Variants in BANP observed in about 807,000 individuals in gnomAD.
BANP encodes BTG3 associated nuclear protein, also known as protein BANP.
Under a neutral mutation model 68.1 loss-of-function variants are expected in BANP, and 11 were observed. That is an observed-to-expected ratio of 0.16 (90% CI 0.10 to 0.27). The LOEUF (loss-of-function observed/expected upper bound fraction) is 0.27, where lower values mean the gene tolerates loss of function less well. Ranked by LOEUF, BANP falls within the 10% of genes least tolerant of loss-of-function variation. The probability of loss-of-function intolerance (pLI) is 1.00; values close to 1 mark genes in which losing one functional copy is unlikely to be tolerated. For missense variants in BANP, 504 were observed against 722.7 expected, an observed-to-expected ratio of 0.70 and a Z score of 3.47; for synonymous variants, 329 against 303.2, an observed-to-expected ratio of 1.09 and a Z score of -0.88.
At chr16:88,074,796 T>A (rs1030893304) in intron 13 of BANP, among the ~76,000 whole-genome samples, 1 of 152,166 alleles carries the variant, frequency 6.6e-6, no homozygotes, top group African/African-American at 2.4e-5. Flanking sequence ...CCTTCCCAGC[T>A]GTGGCCGGGC....
intron 7 of BANP, among the ~76,000 whole-genome samples, chr16:88,026,211 C>T (rs1021144840): frequency 3.3e-5 from 5 of 152,224 alleles, no homozygotes; most frequent in African/African-American, 1.2e-4. Flanking sequence ...CCCAGGAAGA[C>T]GATGCACCTG....
chr16:88,056,079 T>C (rs1275029543), intron 11 of BANP, among the ~76,000 whole-genome samples: 1 of 152,182 alleles, frequency 6.6e-6, no homozygotes, highest in Admixed American at 6.5e-5. Flanking sequence ...CCTTGCCCTG[T>C]CTGGGGAGGT....
intron 11 of BANP, among the ~76,000 whole-genome samples, chr16:88,056,997 G>T (rs1253052653): frequency 1.3e-5 from 2 of 152,200 alleles, no homozygotes. Context: ...TTAAAACTCT[G>T]TAACTCAAAA....
chr16:88,070,343 C>T (rs2089991107), intron 12 of BANP, among the ~76,000 whole-genome samples: 1 of 152,106 alleles, frequency 6.6e-6, no homozygotes, highest in Non-Finnish European at 1.5e-5. Flanking sequence ...CATCTGACAC[C>T]TGGACTCAGA....
chr16:88,068,189 C>T (rs1040744110), intron 12 of BANP, among the ~76,000 whole-genome samples: 5 of 152,138 alleles, frequency 3.3e-5, no homozygotes, highest in African/African-American at 9.7e-5. Flanking sequence ...CTGTGTGGCA[C>T]GGGCTCCTGA....
At chr16:87,979,217 A>G (rs2062800262) in intron 2 of BANP, among the ~76,000 whole-genome samples, 1 of 152,138 alleles carries the variant, frequency 6.6e-6, no homozygotes, top group Admixed American at 6.5e-5. Flanking sequence ...AATGTATGTA[A>G]CACGTCTGAG....
At chr16:87,971,824 G>T (rs1416514893) in intron 1 of BANP, among the ~76,000 whole-genome samples, 1 of 152,092 alleles carries the variant, frequency 6.6e-6, no homozygotes, top group Non-Finnish European at 1.5e-5. Flanking sequence ...ACAGGGTCTC[G>T]TTCTGTTGTC....
At chr16:88,075,068 G>A (rs959482215) in intron 13 of BANP, among the ~76,000 whole-genome samples, 1 of 152,144 alleles carries the variant, frequency 6.6e-6, no homozygotes, top group Admixed American at 6.5e-5. Flanking sequence ...AGCTGGGGCC[G>A]GGCACGGTAG....
chr16:88,004,304 C>T lies in BANP; in HGVS notation c.372C>T (p.Pro124=). 1 of 1,543,540 alleles carries T rather than the reference C, an allele frequency of 6.5e-7. No homozygotes were observed. The highest frequency in any genetic ancestry group is 8.8e-7 in the Non-Finnish European group (1 of 1,140,264). Residue 124 remains proline (P), a synonymous_variant, in exon 5 of 14, where the codon CCC becomes CCT. Coordinates refer to ENST00000682872, the MANE Select transcript of BANP (RefSeq NM_001386991.1). This position sits in a 1 kb window ranked among gnomAD's most constrained non-coding sequence, Gnocchi z 7.0. ...TTCTTTTGTTCCCTAGCGTCGTCCC[C>T]CAGACTACAGTAATACTCAACAATG... ...QTCNKVRCVV[P]QTTVILNNDR...
intron 2 of BANP, 169 bp downstream of exon 2, chr16:87,975,354 G>A (rs771999956): frequency 3.1e-5 from 21 of 684,630 alleles, no homozygotes; most frequent in South Asian, 1.2e-4. Flanking sequence ...CCCTTCCCTC[G>A]CCCCTGCAGC....
At chr16:87,972,576 T>C (rs2061328042) in intron 1 of BANP, among the ~76,000 whole-genome samples, 1 of 152,216 alleles carries the variant, frequency 6.6e-6, no homozygotes, top group African/African-American at 2.4e-5. Context: ...TGCTCATTTT[T>C]ATATGATTTT....
chr16:87,994,649 C>A (rs2066723791), intron 4 of BANP, among the ~76,000 whole-genome samples: 1 of 152,072 alleles, frequency 6.6e-6, no homozygotes, highest in African/African-American at 2.4e-5. Context: ...ACTTTTTAAT[C>A]TTTAGCGTGG....
intron 13 of BANP, among the ~76,000 whole-genome samples, chr16:88,073,595 T>G (rs2090928456): frequency 6.6e-6 from 1 of 152,186 alleles, no homozygotes; most frequent in Non-Finnish European, 1.5e-5. Flanking sequence ...TCGGCAGCGC[T>G]TATTTTATGT....
chr16:88,076,559 C>T lies in BANP; in HGVS notation c.1522-31C>T. 1.9e-6 allele frequency: 3 copies of T among 1,601,972 alleles called. No individual in the cohort carries two copies. In the South Asian group the frequency reaches 3.3e-5, roughly 18 times the overall value. On this transcript the variant is annotated intron_variant, in intron 13 of 13. Transcript: ENST00000682872. The stretch of plus-strand genomic sequence containing the variant: ...TGGCCATGCAGTGCTGGGTATTTTT[C>T]TAGAAAGTCCCTCCTTTCTCCCTTT...
intron 8 of BANP, among the ~76,000 whole-genome samples, chr16:88,030,263 G>C (rs1453275440): frequency 6.6e-6 from 1 of 152,168 alleles, no homozygotes; most frequent in Non-Finnish European, 1.5e-5. Flanking sequence ...CAAATAGGAA[G>C]GGACCCTGTC....
At chr16:88,000,535 T>TC in intron 4 of BANP, among the ~76,000 whole-genome samples, 1 of 16,060 alleles carries the variant, frequency 6.2e-5, no homozygotes, top group African/African-American at 1.7e-4. Context: ...TACCTGTCCT[T>TC]CCAGACGTGT....
intron 6 of BANP, among the ~76,000 whole-genome samples, chr16:88,016,827 A>G (rs6540148): frequency 0.94 from 142,460 of 152,258 alleles, 67,397 homozygotes; most frequent in East Asian, 1. Context: ...CTGTACTTCT[A>G]AACCACCTCT....
chr16:88,006,053 T>G (rs752305818), intron 5 of BANP, 37 bp from the exon 6 acceptor site: 3 of 1,612,924 alleles, frequency 1.9e-6, no homozygotes, highest in Non-Finnish European at 2.5e-6. Flanking sequence ...TTGCGGCTCT[T>G]ACCACATCGG....
At position 88,062,696 on chromosome 16, in the gene BANP, C is replaced by T. The variant is rs988954139; in HGVS notation, c.1312-2571C>T. 3.9e-5 allele frequency among the ~76,000 whole-genome samples: 6 copies of T among 152,356 alleles called. 1 individual carries two copies. In the Middle Eastern group the frequency reaches 0.01, roughly 259 times the overall value. ...CACCGTCCGTTCCAATGAGCGGCTT[C>T]TGCATTCCAGAGCTGGTTTGGAAAT... On this transcript the variant is annotated intron_variant, in intron 11 of 13. Coordinates refer to ENST00000682872, the MANE Select transcript of BANP (RefSeq NM_001386991.1).
Sources: allele counts gnomAD v4.1 joint callset (sites outside exome capture counted in the v4.1 genomes callset), GRCh38; gene constraint gnomAD v4.1.1; non-coding constraint Gnocchi (gnomAD v3.1); transcripts MANE v1.5; gene names NCBI Gene and HGNC (gene_info 2026-07-23, HGNC 2026-07-21).